The following PIEZO1 variants were observed in gnomAD, a reference collection of about 807,000 sequenced individuals.
PIEZO1 encodes piezo-type mechanosensitive ion channel component 1.
A neutral mutation model predicts 297.2 loss-of-function variants in PIEZO1; 296 were observed. The observed-to-expected ratio is 1.00, with a 90% confidence interval of 0.91 to 1.10. The LOEUF (loss-of-function observed/expected upper bound fraction) is 1.10. Ranked by LOEUF, PIEZO1 falls within the 50% of genes least tolerant of loss-of-function variation. PIEZO1 has a pLI of 0.00. For missense variants in PIEZO1, 5,018 were observed against 3,455.5 expected (o/e 1.45, Z -11.34); for synonymous variants, 2,427 against 1,507.5 (o/e 1.61, Z -14.13).
chr16:88,741,989 A>G (rs1299797445), intron 4 of PIEZO1, 64 bp downstream of exon 4: 1 of 1,504,904 alleles, frequency 6.6e-7, no homozygotes, highest in Non-Finnish European at 8.9e-7. Flanking sequence ...GGGTCCCCCC[A>G]CTTCCTGGGG....
intron 23 of PIEZO1, 71 bp downstream of exon 23, chr16:88,727,486 T>G: frequency 1.5e-6 from 1 of 674,360 alleles, no homozygotes; most frequent in Non-Finnish European, 2.6e-6. Context: ...TGCACACTTG[T>G]GAGCAGATTT....
intron 1 of PIEZO1, among the ~76,000 whole-genome samples, chr16:88,777,757 A>C (rs892582341): frequency 7.9e-5 from 12 of 152,236 alleles, no homozygotes; most frequent in African/African-American, 2.7e-4. Flanking sequence ...ACAGATTGCA[A>C]ACTGCAGGCC....
intron 22 of PIEZO1, 80 bp from the exon 23 acceptor site, chr16:88,727,741 G>T: frequency 1.6e-6 from 1 of 630,360 alleles, no homozygotes; most frequent in Non-Finnish European, 2.6e-6. Flanking sequence ...GTTGACCCGA[G>T]TCTATCACCA....
At chr16:88,733,553 C>A in intron 18 of PIEZO1, 35 bp downstream of exon 18, 1 of 1,528,300 alleles carries the variant, frequency 6.5e-7, no homozygotes, top group Non-Finnish European at 8.8e-7. Flanking sequence ...GCGACCCCAC[C>A]CCAGATGGGA....
In PIEZO1 at chr16:88,724,191, G is replaced by A. The variant is rs1904308500; in HGVS notation, c.4235-220C>T. On this transcript the variant is annotated intron_variant, in intron 30 of 50. Coordinates refer to ENST00000301015, the MANE Select transcript of PIEZO1 (RefSeq NM_001142864.4). ...CGCGGGCTGGGGTGCAGAGTGGGCCGACTGCAGAGGACCGGGGAAAACCCA... is the reference window on the plus strand; with the variant it reads ...CGCGGGCTGGGGTGCAGAGTGGGCCAACTGCAGAGGACCGGGGAAAACCCA... 2.6e-5 allele frequency among the ~76,000 whole-genome samples: 4 copies of A among 152,354 alleles called. 1 individual carries two copies. The highest frequency in any genetic ancestry group is 6.8e-3 in the Middle Eastern group (2 of 294).
intron 22 of PIEZO1, among the ~76,000 whole-genome samples, chr16:88,728,549 AC>A (rs1289007568): frequency 8.5e-6 from 1 of 117,788 alleles, no homozygotes; most frequent in Non-Finnish European, 1.8e-5. Context: ...GAACCTCGCG[AC>A]CCAAAAACAA....
intron 1 of PIEZO1, among the ~76,000 whole-genome samples, chr16:88,773,657 G>A (rs897489694): frequency 1.3e-5 from 2 of 150,970 alleles, no homozygotes; most frequent in Admixed American, 1.3e-4. Context: ...CAGGCAGGTC[G>A]GGGGAGTGGA....
At chr16:88,780,484 G>A (rs1365410242) in intron 1 of PIEZO1, among the ~76,000 whole-genome samples, 1 of 152,178 alleles carries the variant, frequency 6.6e-6, no homozygotes, top group Non-Finnish European at 1.5e-5. Context: ...GCTGGGAACA[G>A]CTTGCCTTTC....
At chr16:88,778,676 A>G (rs1014991231) in intron 1 of PIEZO1, among the ~76,000 whole-genome samples, 1 of 152,198 alleles carries the variant, frequency 6.6e-6, no homozygotes, top group Admixed American at 6.5e-5. Flanking sequence ...AGCTGCCCAG[A>G]TCCTCACCCG....
intron 39 of PIEZO1, 37 bp from the exon 40 acceptor site, chr16:88,720,785 G>C: frequency 6.9e-7 from 1 of 1,457,390 alleles, no homozygotes; most frequent in Non-Finnish European, 9.0e-7. Context: ...GGGCCCCCTG[G>C]GGACTGGGCC....
chr16:88,775,726 C>CAAAAAAAAA (rs3052234), intron 1 of PIEZO1, among the ~76,000 whole-genome samples: 2 of 98,718 alleles, frequency 2.0e-5, no homozygotes, highest in Non-Finnish European at 3.8e-5. Flanking sequence ...AAGACGCTGT[C>CAAAAAAAAA]AAAAAAAAAA....
chr16:88,733,696 G>T lies in PIEZO1; in HGVS notation c.2379C>A (p.Ala793=), dbSNP rs1282530315. 3.2e-6 allele frequency: 5 copies of T among 1,548,998 alleles called. No individual in the cohort carries two copies. Among genetic ancestry groups the T allele is most frequent in the Non-Finnish European group, 8.7e-7 (1 of 1,146,266 alleles). ...CGCGTGAGAGGACGTCCGAGAAGCCGGCTGCCAGCTCCAGCAGCCGCTCAG... is the reference window on the plus strand; with the variant it reads ...CGCGTGAGAGGACGTCCGAGAAGCCTGCTGCCAGCTCCAGCAGCCGCTCAG... The part of the protein sequence containing the change: ...LVAERLLELA[A]GFSDVLSRVQ... Residue 793 remains alanine, a synonymous_variant, in exon 18 of 51, where the codon GCC becomes GCA. Transcript: ENST00000301015.
rs542492306 is a variant in PIEZO1, at chr16:88,737,382, G to T, written c.1195+177C>A. On this transcript the variant is annotated intron_variant, in intron 10 of 50. Transcript: ENST00000301015. ...TGGTCAGTGACATGGCCACTCGGCT[G>T]CCCTGGGGGTCTCGGGGGTCACTGA... The T allele has an allele frequency of 2.6e-5, 15 of 574,418 alleles. No homozygotes were observed. The Admixed American group carries it at 3.5e-4, about 13-fold the overall frequency. The allele number at this position is 574,418 out of a possible 1,614,324, so 35.6% of individuals were successfully genotyped here. A position where few individuals can be genotyped will look rare whatever the true frequency, so the allele number is the denominator to read the frequency against.
At chr16:88,743,936 C>G (rs1290284116) in intron 2 of PIEZO1, 4 of 291,366 alleles carry the variant, frequency 1.4e-5, no homozygotes, top group Non-Finnish European at 2.1e-5. Context: ...AGGGAGGCTG[C>G]AGCCCCGACA....
Position 88,720,692 on chromosome 16 carries a change from TC to T in PIEZO1, c.5724del (p.Arg1909GlufsTer12). On this transcript the variant is annotated frameshift_variant, in exon 40 of 51. Transcript: ENST00000301015. LOFTEE classifies it high-confidence loss of function. ...CCAGAGCGGCTTGGCCTCTTCTCTC[TC>T]CCCGTGGGGGCCTCTTTCTCTTCCT... ...EGEEEKEAPT[G>X]REKRPSRSGG... 6.5e-7 allele frequency: 1 copy of T among 1,540,168 alleles called. No homozygotes were observed.
At chr16:88,731,261 T>C (rs4782322) in intron 22 of PIEZO1, 1 of 193,378 alleles carries the variant, frequency 5.2e-6, no homozygotes, top group African/African-American at 2.3e-5. Context: ...GCTGTTTGAA[T>C]GCAGAGGACA....
At chr16:88,750,069 T>A (rs1906307296) in intron 1 of PIEZO1, among the ~76,000 whole-genome samples, 1 of 150,128 alleles carries the variant, frequency 6.7e-6, no homozygotes, top group East Asian at 2.0e-4. Flanking sequence ...GTGTGGTGGC[T>A]CACGCCTGTA....
At chr16:88,729,681 C>T (rs1249287785) in intron 22 of PIEZO1, among the ~76,000 whole-genome samples, 3 of 134,044 alleles carry the variant, frequency 2.2e-5, no homozygotes, top group African/African-American at 9.1e-5. Flanking sequence ...ACCCTCGATG[C>T]TGGGGAACCC....
rs1912283242 is a variant in PIEZO1, at chr16:88,719,610, G to A, written c.6435C>T (p.Asn2145=). Residue 2145 remains asparagine, a synonymous_variant, in exon 44 of 51, where the codon AAC becomes AAT. Coordinates refer to ENST00000301015, the MANE Select transcript of PIEZO1 (RefSeq NM_001142864.4). ...SWMCVEDIYA[N]IFIIKCSRET... is the part of the protein sequence containing the mutation. ...CTCGGCTGCATTTGATGATGAAGAT[G>A]TTGGCATAGATGTCCTCCACACACA... is the stretch of plus-strand genomic sequence containing the variant. 1 of 1,551,904 alleles carries A rather than the reference G, an allele frequency of 6.4e-7. No individual in the cohort carries two copies. Among genetic ancestry groups the A allele is most frequent in the Non-Finnish European group, 8.7e-7 (1 of 1,147,642 alleles).
Sources: allele counts gnomAD v4.1 joint callset (sites outside exome capture counted in the v4.1 genomes callset), GRCh38; gene constraint gnomAD v4.1.1; transcripts MANE v1.5; gene names NCBI Gene and HGNC (gene_info 2026-07-23, HGNC 2026-07-21).